Variants in NINJ2 observed in about 807,000 individuals in gnomAD.
NINJ2 encodes the protein ninjurin-2.
NINJ2 carries 12 observed loss-of-function variants against 11.7 expected under a neutral mutation model. That is an observed-to-expected ratio of 1.02 (90% CI 0.66 to 1.66). The LOEUF is 1.66. Among genes scored for constraint, NINJ2 ranks in the 40% most tolerant of loss-of-function variants. The probability of loss-of-function intolerance (pLI) is 0.00; values close to 1 mark genes in which losing one functional copy is unlikely to be tolerated. For missense variants in NINJ2, 187 were observed against 181.8 expected, an observed-to-expected ratio of 1.03 and a Z score of -0.16; for synonymous variants, 93 against 76.8, an observed-to-expected ratio of 1.21 and a Z score of -1.10.
chr12:616,455 C>T (rs886433881), intron 1 of NINJ2, among the ~76,000 whole-genome samples: 4 of 152,140 alleles, frequency 2.6e-5, no homozygotes, highest in Non-Finnish European at 5.9e-5. Flanking sequence ...AAGACTGGGT[C>T]GTTGGGTGGT....
At chr12:623,162 T>C (rs1038257299) in intron 1 of NINJ2, among the ~76,000 whole-genome samples, 2 of 152,144 alleles carry the variant, frequency 1.3e-5, no homozygotes, top group African/African-American at 2.4e-5. Context: ...GCAAGGTGAA[T>C]GGAAGCAAGA....
chr12:611,361 T>C (rs991252205), intron 1 of NINJ2, among the ~76,000 whole-genome samples: 2 of 148,418 alleles, frequency 1.3e-5, no homozygotes, highest in East Asian at 3.9e-4. Flanking sequence ...CTTCTTTCTT[T>C]TTGTCTTGCT....
At chr12:612,380 T>C (rs1364884376) in intron 1 of NINJ2, among the ~76,000 whole-genome samples, 1 of 152,172 alleles carries the variant, frequency 6.6e-6, no homozygotes, top group Non-Finnish European at 1.5e-5. Flanking sequence ...GGAGGTAGCC[T>C]GGTGACATTA....
rs117483037 is a variant in NINJ2, at chr12:641,436, C to A, written c.33+21892G>T. 4.2e-3 allele frequency among the ~76,000 whole-genome samples: 632 copies of A among 152,176 alleles called. 31 individuals carry two copies. The East Asian group carries it at 0.1, about 25-fold the overall frequency. On this transcript the variant is annotated intron_variant, in intron 1 of 3. Coordinates refer to ENST00000305108, the MANE Select transcript of NINJ2 (RefSeq NM_016533.6). ...CTACTTTTCTCCCCAGGGTGAAAGG[C>A]GTGGGGAGAGGCCATGAGGATGGGA... is the stretch of plus-strand genomic sequence containing the variant.
At position 641,672 on chromosome 12, in the gene NINJ2, G is replaced by C. The variant is rs1290970150; in HGVS notation, c.33+21656C>G. Among the ~76,000 whole-genome samples the C allele has an allele frequency of 2.8e-5, 4 of 140,888 alleles. No homozygotes were observed. The East Asian group carries it at 8.0e-4, about 28-fold the overall frequency. The allele number at this position is 140,888 out of a possible 152,430, so 92.4% of individuals were successfully genotyped here. On this transcript the variant is annotated intron_variant, in intron 1 of 3. Transcript: ENST00000305108. The stretch of plus-strand genomic sequence containing the variant: ...ATCCTGGCTAACAGGGTGAAACCCC[G>C]TCTCTACTAAAAAATACAAAAAATG...
At chr12:630,398 G>A (rs1769538249) in intron 1 of NINJ2, among the ~76,000 whole-genome samples, 1 of 151,490 alleles carries the variant, frequency 6.6e-6, no homozygotes, top group South Asian at 2.1e-4. Flanking sequence ...TTTTTGAGAC[G>A]GAGTCTCGCT....
chr12:610,280 C>T (rs936318969), intron 1 of NINJ2: 1 of 1,363,424 alleles, frequency 7.3e-7, no homozygotes, highest in Non-Finnish European at 1.0e-6. Flanking sequence ...CTTCACCTGC[C>T]CAGTCCCCAG....
chr12:587,133 T>C (rs1947649882), intron 1 of NINJ2, among the ~76,000 whole-genome samples: 1 of 152,228 alleles, frequency 6.6e-6, no homozygotes, highest in African/African-American at 2.4e-5. Flanking sequence ...GCCCTTCCTG[T>C]GGAGCATCTC....
intron 1 of NINJ2, among the ~76,000 whole-genome samples, chr12:648,213 A>G (rs1348860323): frequency 6.6e-6 from 1 of 152,160 alleles, no homozygotes; most frequent in African/African-American, 2.4e-5. Flanking sequence ...AGCTGGGACT[A>G]TATGCACCCG....
intron 1 of NINJ2, 72 bp downstream of exon 1, chr12:663,256 A>T: frequency 1.4e-6 from 2 of 1,387,878 alleles, no homozygotes; most frequent in Middle Eastern, 1.8e-4. Context: ...TGACTAAAGT[A>T]TCAATCCTCT....
intron 1 of NINJ2, among the ~76,000 whole-genome samples, chr12:662,224 C>T (rs959853036): frequency 3.3e-5 from 5 of 152,192 alleles, no homozygotes; most frequent in Non-Finnish European, 7.3e-5. Context: ...TGCGGTGGGA[C>T]CGCTCTCGGG....
chr12:574,827 G>A (rs1347783528), intron 1 of NINJ2, among the ~76,000 whole-genome samples: 1 of 152,250 alleles, frequency 6.6e-6, no homozygotes, highest in African/African-American at 2.4e-5. Flanking sequence ...GTGAATTTAT[G>A]ACTTCATCTC....
chr12:612,351 C>T (rs1948043713), intron 1 of NINJ2, among the ~76,000 whole-genome samples: 1 of 152,142 alleles, frequency 6.6e-6, no homozygotes, highest in African/African-American at 2.4e-5. Context: ...TCTGAGAAAC[C>T]CCCAATTCCA....
At chr12:596,533 T>G (rs1382277289) in intron 1 of NINJ2, among the ~76,000 whole-genome samples, 2 of 152,050 alleles carry the variant, frequency 1.3e-5, no homozygotes, top group Non-Finnish European at 2.9e-5. Context: ...GCTGTGAATT[T>G]TACTCTAAAA....
chr12:649,171 A>T (rs1274216255), intron 1 of NINJ2, among the ~76,000 whole-genome samples: 1 of 151,312 alleles, frequency 6.6e-6, no homozygotes, highest in Non-Finnish European at 1.5e-5. Flanking sequence ...CTCAGCCTCC[A>T]GAGTAGCTGG....
intron 1 of NINJ2, chr12:642,948 C>G (rs1565646727): frequency 2.0e-5 from 3 of 149,440 alleles, no homozygotes; most frequent in Non-Finnish European, 4.5e-5. Flanking sequence ...GCCCCCACGC[C>G]CCACGCCGCG....
chr12:654,204 A>T (rs12368326), intron 1 of NINJ2, among the ~76,000 whole-genome samples: 37,851 of 151,886 alleles, frequency 0.25, 4,881 homozygotes, highest in Non-Finnish European at 0.28. Context: ...CTTGTATCAA[A>T]CAAAAAAAGA....
chr12:660,543 G>T, intron 1 of NINJ2, among the ~76,000 whole-genome samples: 1 of 151,848 alleles, frequency 6.6e-6, no homozygotes, highest in East Asian at 2.0e-4. Context: ...GTTTCACTAT[G>T]TTGGCCAGGA....
chr12:595,160 C>T (rs1364292777), intron 1 of NINJ2, among the ~76,000 whole-genome samples: 2 of 151,934 alleles, frequency 1.3e-5, no homozygotes, highest in African/African-American at 4.8e-5. Context: ...AGAATCTAGA[C>T]ACAGACCTAC....
Sources: gnomAD v4.1 joint callset for allele counts (sites outside exome capture counted in the v4.1 genomes callset) on GRCh38, gnomAD v4.1.1 for gene constraint, MANE v1.5 for transcripts, NCBI Gene and HGNC (gene_info 2026-07-23, HGNC 2026-07-21) for gene names.